The following ZNF771 variants were observed in gnomAD, a reference collection of about 807,000 sequenced individuals.
ZNF771 encodes the protein zinc finger protein 771, also known as mesenchymal stem cell protein DSC43.
In ZNF771, 10 loss-of-function variants were observed where a neutral mutation model predicts 27.6. The ratio of observed to expected loss-of-function variants is 0.36; its 90% confidence interval spans 0.22 to 0.61. The LOEUF (loss-of-function observed/expected upper bound fraction) is 0.61. Among genes scored for constraint, ZNF771 ranks in the 20% least tolerant of loss-of-function variants. ZNF771 has a pLI of 0.70. For missense variants in ZNF771, 438 were observed against 503.7 expected (o/e 0.87, Z 1.25); for synonymous variants, 261 against 225.2 (o/e 1.16, Z -1.43).
Position 30,407,988 on chromosome 16 carries a change from G to A in ZNF771, c.-9-57G>A. 7 of 244,720 alleles carry A rather than the reference G, an allele frequency of 2.9e-5. No individual in the cohort carries two copies. In the South Asian group the frequency reaches 6.1e-4, roughly 21 times the overall value. 15.2% of individuals were successfully genotyped at this position (244,720 alleles called of 1,614,324 possible). Reference sequence around the variant, plus strand: ...TTGCTGGGCCAGGGCCACGGTGGGCGGGGGGGGGGGTGGGGGGGGGCGGGT... The same window carrying A: ...TTGCTGGGCCAGGGCCACGGTGGGCAGGGGGGGGGGTGGGGGGGGGCGGGT... On this transcript the variant is annotated intron_variant, in intron 1 of 2. Coordinates refer to ENST00000319296, the MANE Select transcript of ZNF771 (RefSeq NM_001142305.2).
Position 30,417,881 on chromosome 16 carries a change from C to T in ZNF771, c.468C>T (p.Phe156=). 1 of 1,511,998 alleles carries T rather than the reference C, an allele frequency of 6.6e-7. No homozygotes were observed. The highest frequency in any genetic ancestry group is 1.2e-5 in the South Asian group (1 of 81,274). 93.7% of individuals were successfully genotyped at this position (1,511,998 alleles called of 1,614,324 possible). ...CATGCGCGCACTGCGGCCGCCGCTT[C>T]GCGCAGAGCTCCAACTACGCACAGC... The part of the protein sequence containing the change: ...PYACAHCGRR[F]AQSSNYAQHL... Residue 156 remains phenylalanine, a synonymous_variant, in exon 3 of 3, where the codon TTC becomes TTT. Coordinates refer to ENST00000319296, the MANE Select transcript of ZNF771 (RefSeq NM_001142305.2).
In ZNF771 at chr16:30,417,793, G is replaced by A. The variant is rs1286022914; in HGVS notation, c.380G>A (p.Arg127His). 2 of 1,478,928 alleles carry A rather than the reference G, an allele frequency of 1.4e-6. No homozygotes were observed. Among genetic ancestry groups the A allele is most frequent in the South Asian group, 1.3e-5 (1 of 78,456 alleles). 91.6% of individuals were successfully genotyped at this position (1,478,928 alleles called of 1,614,324 possible). Residue 127 changes from arginine (R) to histidine (H), a missense_variant, in exon 3 of 3, where the codon CGC becomes CAC. Arg to His is a conservative substitution (Grantham distance 29). Coordinates refer to ENST00000319296, the MANE Select transcript of ZNF771 (RefSeq NM_001142305.2). The part of the protein sequence containing the change: ...RPYECPECDK[R>H]FSAASNLRQH... ...TACGAGTGCCCCGAGTGCGACAAAC[G>A]CTTCTCGGCCGCCTCGAACCTGCGG...
chr16:30,408,855 C>T (rs893811437), intron 2 of ZNF771, among the ~76,000 whole-genome samples: 2 of 152,152 alleles, frequency 1.3e-5, no homozygotes, highest in Non-Finnish European at 2.9e-5. Context: ...CATTCAGTCA[C>T]CCAAGCTGTA....
chr16:30,416,501 CT>C (rs2050134752), intron 2 of ZNF771, among the ~76,000 whole-genome samples: 1 of 152,150 alleles, frequency 6.6e-6, no homozygotes, highest in South Asian at 2.1e-4. Context: ...TATCTAATCT[CT>C]TATTAAATCT....
chr16:30,411,988 C>A (rs2050106131), intron 2 of ZNF771, among the ~76,000 whole-genome samples: 1 of 152,202 alleles, frequency 6.6e-6, no homozygotes, highest in Non-Finnish European at 1.5e-5. Context: ...CCAAACCTAT[C>A]TTTCCCTGGC....
intron 1 of ZNF771, 43 bp from the exon 2 acceptor site, chr16:30,408,002 G>T: frequency 5.0e-6 from 4 of 802,572 alleles, no homozygotes; most frequent in South Asian, 3.4e-5. Flanking sequence ...GGGGGGGTGG[G>T]GGGGGGCGGG....
At position 30,417,741 on chromosome 16, in the gene ZNF771, G is replaced by A. The variant is rs1250274635; in HGVS notation, c.328G>A (p.Gly110Ser). The change falls in exon 3 of 3, where the codon GGC becomes AGC. Residue 110 changes from glycine to serine, a missense_variant. Physicochemically the swap from Gly to Ser is moderately conservative, Grantham distance 56. Transcript: ENST00000319296. The stretch of plus-strand genomic sequence containing the variant: ...ACAGAAGTCGGCGCTGACCAAACAC[G>A]GCCGCACGCACACGGGCGAGCGGCC... ...FSQKSALTKH[G>S]RTHTGERPYE... 7.1e-7 allele frequency: 1 copy of A among 1,409,634 alleles called. No individual in the cohort carries two copies. The highest frequency in any genetic ancestry group is 9.2e-7 in the Non-Finnish European group (1 of 1,087,190). The allele number at this position is 1,409,634 out of a possible 1,614,324, so 87.3% of individuals were successfully genotyped here. A position where few individuals can be genotyped will look rare whatever the true frequency, so the allele number is the denominator to read the frequency against.
intron 2 of ZNF771, among the ~76,000 whole-genome samples, chr16:30,408,871 G>C (rs925278922): frequency 2.0e-5 from 3 of 152,152 alleles, no homozygotes; most frequent in Non-Finnish European, 4.4e-5. Flanking sequence ...CTGTAGTGCA[G>C]TACAGCTCAC....
chr16:30,417,875 C>G lies in ZNF771; in HGVS notation c.462C>G (p.Arg154=). The G allele has an allele frequency of 6.6e-7, 1 of 1,508,002 alleles. No homozygotes were observed. Among genetic ancestry groups the G allele is most frequent in the Non-Finnish European group, 8.8e-7 (1 of 1,137,284 alleles). 93.4% of individuals were successfully genotyped at this position (1,508,002 alleles called of 1,614,324 possible). Residue 154 remains arginine, a synonymous_variant, in exon 3 of 3, where the codon CGC becomes CGG. Coordinates refer to ENST00000319296, the MANE Select transcript of ZNF771 (RefSeq NM_001142305.2). ...EKPYACAHCG[R]RFAQSSNYAQ... is the part of the protein sequence containing the mutation. ...CGTACGCATGCGCGCACTGCGGCCG[C>G]CGCTTCGCGCAGAGCTCCAACTACG...
chr16:30,418,818 G>C lies in ZNF771; in HGVS notation c.*451G>C, dbSNP rs1388115039. 1 of 168,036 alleles carries C rather than the reference G, an allele frequency of 6.0e-6. No individual in the cohort carries two copies. Among genetic ancestry groups the C allele is most frequent in the South Asian group, 1.9e-4 (1 of 5,164 alleles). 10.4% of individuals were successfully genotyped at this position (168,036 alleles called of 1,614,324 possible). A position where few individuals can be genotyped will look rare whatever the true frequency, so the allele number is the denominator to read the frequency against. On this transcript the variant is annotated 3_prime_UTR_variant, in exon 3 of 3. Coordinates refer to ENST00000319296, the MANE Select transcript of ZNF771 (RefSeq NM_001142305.2). The stretch of plus-strand genomic sequence containing the variant: ...GGGCCCATAAATATACTATGTTCAC[G>C]ATCAGACACGCACTGCATTCGGCAG...
chr16:30,418,542 C>A lies in ZNF771; in HGVS notation c.*175C>A. 1.8e-6 allele frequency: 1 copy of A among 563,948 alleles called. No homozygotes were observed. Among genetic ancestry groups the A allele is most frequent in the South Asian group, 2.8e-5 (1 of 35,514 alleles). The allele number at this position is 563,948 out of a possible 1,614,324, so 34.9% of individuals were successfully genotyped here. Reference sequence around the variant, plus strand: ...GGGGTCCCTGGAAACAGTGCCCACCCCACATCACTACATTCCCTCGGCCCG... The same window carrying A: ...GGGGTCCCTGGAAACAGTGCCCACCACACATCACTACATTCCCTCGGCCCG... On this transcript the variant is annotated 3_prime_UTR_variant, in exon 3 of 3. Transcript: ENST00000319296.
In ZNF771 at chr16:30,417,779, C is replaced by G. The variant is rs760678532; in HGVS notation, c.366C>G (p.Pro122=). The stretch of plus-strand genomic sequence containing the variant: ...CGGGCGAGCGGCCCTACGAGTGCCC[C>G]GAGTGCGACAAACGCTTCTCGGCCG... ...THTGERPYEC[P]ECDKRFSAAS... is the part of the protein sequence containing the mutation. Residue 122 remains proline, a synonymous_variant, in exon 3 of 3, where the codon CCC becomes CCG. Coordinates refer to ENST00000319296, the MANE Select transcript of ZNF771 (RefSeq NM_001142305.2). 6 of 1,468,610 alleles carry G rather than the reference C, an allele frequency of 4.1e-6. No individual in the cohort carries two copies. The Admixed American group carries it at 9.8e-5, about 24-fold the overall frequency. 91.0% of individuals were successfully genotyped at this position (1,468,610 alleles called of 1,614,324 possible).
chr16:30,407,867 G>A (rs1358028996), intron 1 of ZNF771, among the ~76,000 whole-genome samples, 178 bp from the exon 2 acceptor site: 1 of 151,498 alleles, frequency 6.6e-6, no homozygotes, highest in Non-Finnish European at 1.5e-5. Flanking sequence ...AGCTGGTCCC[G>A]GGGCTGTGCC....
chr16:30,408,230 C>G (rs1289319440), intron 2 of ZNF771, 36 bp downstream of exon 2: 7 of 1,613,090 alleles, frequency 4.3e-6, no homozygotes, highest in Non-Finnish European at 5.9e-6. Flanking sequence ...ACACTGTCCC[C>G]AAACCTGGTC....
intron 1 of ZNF771, 63 bp downstream of exon 1, chr16:30,407,727 G>C (rs904900536): frequency 5.3e-5 from 10 of 188,766 alleles, no homozygotes; most frequent in Non-Finnish European, 1.1e-4. Context: ...GTGCCCCAGA[G>C]CTCCAGGTCG....
At chr16:30,415,485 G>A (rs2050129231) in intron 2 of ZNF771, among the ~76,000 whole-genome samples, 1 of 146,838 alleles carries the variant, frequency 6.8e-6, no homozygotes, top group Admixed American at 6.9e-5. Flanking sequence ...CCGGGTTCAA[G>A]CAGTTCCCTG....
intron 2 of ZNF771, among the ~76,000 whole-genome samples, chr16:30,413,314 T>C (rs1359067509): frequency 6.6e-6 from 1 of 152,222 alleles, no homozygotes; most frequent in Non-Finnish European, 1.5e-5. Flanking sequence ...AGTCTGGTAT[T>C]TGCCAAGTTT....
At chr16:30,415,264 C>A (rs1222205136) in intron 2 of ZNF771, among the ~76,000 whole-genome samples, 1 of 151,468 alleles carries the variant, frequency 6.6e-6, no homozygotes, top group East Asian at 1.9e-4. Flanking sequence ...GGCTTATTTT[C>A]TAATTTCTGA....
chr16:30,413,511 G>T (rs1252252670), intron 2 of ZNF771: 3 of 274,834 alleles, frequency 1.1e-5, no homozygotes, highest in Middle Eastern at 8.5e-4. Flanking sequence ...ACAATTATGA[G>T]ACTTTTTTAA....
Sources: gnomAD v4.1 joint callset for allele counts (sites outside exome capture counted in the v4.1 genomes callset) on GRCh38, gnomAD v4.1.1 for gene constraint, MANE v1.5 for transcripts, NCBI Gene and HGNC (gene_info 2026-07-23, HGNC 2026-07-21) for gene names.